Variants in PLCB4 observed in about 807,000 individuals in gnomAD.
PLCB4 encodes the protein phospholipase C beta 4.
PLCB4 carries 77 observed loss-of-function variants against 178.8 expected under a neutral mutation model. The observed-to-expected ratio is 0.43, with a 90% confidence interval of 0.36 to 0.52. PLCB4 has a LOEUF of 0.52. Ranked by LOEUF, PLCB4 falls within the 20% of genes least tolerant of loss-of-function variation. PLCB4 has a pLI of 0.00. For missense variants in PLCB4, 1,024 were observed against 1,453.4 expected, an observed-to-expected ratio of 0.70 and a Z score of 4.80; for synonymous variants, 496 against 490.8, an observed-to-expected ratio of 1.01 and a Z score of -0.14.
intron 1 of PLCB4, among the ~76,000 whole-genome samples, chr20:9,072,750 G>A (rs1313890382): frequency 6.6e-6 from 1 of 152,084 alleles, no homozygotes; most frequent in Non-Finnish European, 1.5e-5. Flanking sequence ...AGTTTCTAGA[G>A]GAGATGAAAG....
chr20:9,168,461 T>C (rs2093008904), intron 2 of PLCB4, among the ~76,000 whole-genome samples: 3 of 152,334 alleles, frequency 2.0e-5, no homozygotes, highest in African/African-American at 7.2e-5. Context: ...GGGCTTGTTA[T>C]CGGATCACTC....
intron 2 of PLCB4, among the ~76,000 whole-genome samples, chr20:9,117,228 A>G (rs1278798645): frequency 6.6e-6 from 1 of 152,228 alleles, no homozygotes; most frequent in Admixed American, 6.5e-5. Context: ...TATTTTAAAT[A>G]CAATTATAGT....
At chr20:9,323,478 A>G (rs921577062) in intron 4 of PLCB4, among the ~76,000 whole-genome samples, 3 of 152,222 alleles carry the variant, frequency 2.0e-5, no homozygotes, top group Admixed American at 2.0e-4. Context: ...AACATATTTC[A>G]TAAGTACCTA....
chr20:9,413,289 C>T (rs779246938), intron 25 of PLCB4, among the ~76,000 whole-genome samples: 31 of 152,014 alleles, frequency 2.0e-4, no homozygotes, highest in African/African-American at 7.0e-4. Context: ...GCAGCCTGGC[C>T]GGATGCAGGG....
intron 2 of PLCB4, among the ~76,000 whole-genome samples, chr20:9,164,625 A>G (rs2092941165): frequency 6.6e-6 from 1 of 152,104 alleles, no homozygotes; most frequent in African/African-American, 2.4e-5. Context: ...AAAGATTTCA[A>G]TCTTTCAGGG....
chr20:9,159,749 A>G (rs138476892), intron 2 of PLCB4, among the ~76,000 whole-genome samples: 1 of 152,226 alleles, frequency 6.6e-6, no homozygotes, highest in Admixed American at 6.5e-5. Context: ...TTTTACAGAC[A>G]TAAAGATGGT....
chr20:9,175,651 A>G (rs765780307), intron 2 of PLCB4, among the ~76,000 whole-genome samples: 5 of 152,132 alleles, frequency 3.3e-5, no homozygotes, highest in Non-Finnish European at 4.4e-5. Context: ...GTGATATGAT[A>G]TCAACTCACT....
intron 2 of PLCB4, among the ~76,000 whole-genome samples, chr20:9,111,943 G>T (rs1382267423): frequency 6.6e-6 from 1 of 152,026 alleles, no homozygotes; most frequent in African/African-American, 2.4e-5. Flanking sequence ...TCCACTAGTG[G>T]AAGTATTACT....
At chr20:9,378,592 C>G (rs1318912486) in intron 12 of PLCB4, among the ~76,000 whole-genome samples, 2 of 152,164 alleles carry the variant, frequency 1.3e-5, no homozygotes, top group Non-Finnish European at 2.9e-5. Context: ...CAATCCTCTT[C>G]CCTGCATATC....
chr20:9,192,892 C>A (rs1386753741), intron 2 of PLCB4, among the ~76,000 whole-genome samples: 1 of 152,106 alleles, frequency 6.6e-6, no homozygotes, highest in South Asian at 2.1e-4. Context: ...GGTTGGAGCA[C>A]CTATCCGTTA....
intron 2 of PLCB4, among the ~76,000 whole-genome samples, chr20:9,161,681 G>A (rs568150569): frequency 8.1e-4 from 123 of 152,310 alleles, no homozygotes; most frequent in Non-Finnish European, 1.4e-3. Context: ...AGCATTGCTT[G>A]TATTGGACTT....
chr20:9,144,729 AGGGGAAGG>A (rs2092564022), intron 2 of PLCB4, among the ~76,000 whole-genome samples: 2 of 6,974 alleles, frequency 2.9e-4, no homozygotes, highest in South Asian at 0.045. Context: ...AAGGGGAAGG[AGGGGAAGG>A]AGGGGAAGGA....
chr20:9,097,077 G>C (rs2090940052), intron 2 of PLCB4, among the ~76,000 whole-genome samples: 1 of 151,834 alleles, frequency 6.6e-6, no homozygotes, highest in Admixed American at 6.6e-5. Flanking sequence ...TGGGTCTATA[G>C]GTGCCCGCCA....
At chr20:9,174,838 A>G (rs2093127454) in intron 2 of PLCB4, among the ~76,000 whole-genome samples, 2 of 152,208 alleles carry the variant, frequency 1.3e-5, no homozygotes, top group Non-Finnish European at 2.9e-5. Context: ...TAATGTCAGA[A>G]ATACAGAAGC....
chr20:9,380,186 TA>T (rs11360322), intron 13 of PLCB4, 24 bp downstream of exon 13: 50,399 of 924,944 alleles, frequency 0.054, 3,604 homozygotes, highest in East Asian at 0.3. Context: ...AAAAAGGACT[TA>T]AAAAAAAAAA....
chr20:9,216,180 G>A (rs146108018), intron 2 of PLCB4, among the ~76,000 whole-genome samples: 1 of 151,364 alleles, frequency 6.6e-6, no homozygotes, highest in Non-Finnish European at 1.5e-5. Flanking sequence ...TTACTTTTGT[G>A]TACTTCTTTT....
chr20:9,405,639 G>C (rs1291616722), intron 21 of PLCB4, among the ~76,000 whole-genome samples: 1 of 152,176 alleles, frequency 6.6e-6, no homozygotes, highest in Non-Finnish European at 1.5e-5. Context: ...TAGCATAATA[G>C]AAAGGATGAT....
rs148971673 is a variant in PLCB4, at chr20:9,385,396, G to A, written c.1064+985G>A. On this transcript the variant is annotated intron_variant, in intron 14 of 39. Coordinates refer to ENST00000378473, the MANE Select transcript of PLCB4 (RefSeq NM_001377142.1). The stretch of plus-strand genomic sequence containing the variant: ...GCTCCTCACCTCCCAGATGATGGGC[G>A]GCCAGGCAGAGGTGCTCCCCACCTC... 2.1e-3 allele frequency among the ~76,000 whole-genome samples: 302 copies of A among 146,268 alleles called. 2 individuals are homozygous for A. Among genetic ancestry groups the A allele is most frequent in the Middle Eastern group, 8.1e-3 (2 of 246 alleles).
intron 3 of PLCB4, among the ~76,000 whole-genome samples, chr20:9,304,251 A>G (rs1302675892): frequency 6.6e-6 from 1 of 151,728 alleles, no homozygotes; most frequent in African/African-American, 2.4e-5. Flanking sequence ...GGGGGTGTGA[A>G]TGTTTAATTT....
Sources: allele counts gnomAD v4.1 joint callset (sites outside exome capture counted in the v4.1 genomes callset), GRCh38; gene constraint gnomAD v4.1.1; transcripts MANE v1.5; gene names NCBI Gene and HGNC (gene_info 2026-07-23, HGNC 2026-07-21).